AQP1: variants seen among roughly 807,000 people sequenced by gnomAD.
The protein encoded by AQP1 is aquaporin-1.
AQP1 carries 11 observed loss-of-function variants against 19.7 expected under a neutral mutation model. The ratio of observed to expected loss-of-function variants is 0.56; its 90% CI spans 0.35 to 0.92. The LOEUF is 0.92. Ranked by LOEUF, AQP1 falls within the 40% of genes least tolerant of loss-of-function variation. The probability of loss-of-function intolerance (pLI) is 0.01; values close to 1 mark genes in which losing one functional copy is unlikely to be tolerated. For synonymous variants in AQP1, 159 were observed against 166.7 expected, an observed-to-expected ratio of 0.95 and a Z score of 0.36; for missense variants, 320 against 369.7, an observed-to-expected ratio of 0.87 and a Z score of 1.10.
At chr7:30,914,292 C>G (rs1027302848) in intron 1 of AQP1, among the ~76,000 whole-genome samples, 2 of 152,210 alleles carry the variant, frequency 1.3e-5, no homozygotes, top group Admixed American at 1.3e-4. Flanking sequence ...GTGTCCACTG[C>G]TAACTTGTTG....
chr7:30,912,105 A>T lies in AQP1; in HGVS notation c.196A>T (p.Ser66Cys). ...GCTGAGCATCGCCACGCTGGCGCAG[A>T]GTGTGGGCCACATCAGCGGCGCCCA... ...FGLSIATLAQ[S>C]VGHISGAHLN... Residue 66 changes from serine (S) to cysteine (C), a missense_variant, in exon 1 of 4, where the codon AGT (serine) becomes TGT (cysteine). Transcript: ENST00000311813. This position sits in a 1 kb window ranked among gnomAD's most constrained non-coding sequence, Gnocchi z 4.3. 1 of 1,613,258 alleles carries T rather than the reference A, an allele frequency of 6.2e-7. No individual in the cohort carries two copies.
In AQP1 at chr7:30,921,858, A is replaced by G. The variant is rs1791510914; in HGVS notation, c.385-208A>G. 5 of 1,540,766 alleles carry G rather than the reference A, an allele frequency of 3.2e-6. 1 individual carries two copies. The South Asian group carries it at 6.0e-5, about 18-fold the overall frequency. On this transcript the variant is annotated intron_variant, in intron 1 of 3. Coordinates refer to ENST00000311813, the MANE Select transcript of AQP1 (RefSeq NM_198098.4). The stretch of plus-strand genomic sequence containing the variant: ...AGGCAGGTATTAGGGGCTGGGCTGG[A>G]GTTTCATTAACACAGGGGGTGGGTT...
Position 30,923,398 on chromosome 7 carries a change from T to A in AQP1, c.631-52T>A. ...GGCTGTGGGGTAACCTAGGGAACGC[T>A]TCCCAGGGGCTTTTGAGTGGAGCCC... On this transcript the variant is annotated intron_variant, in intron 3 of 3. Transcript: ENST00000311813. The surrounding 1 kb of genome is among the most constrained non-coding windows in gnomAD (Gnocchi z 4.8). 6.2e-7 allele frequency: 1 copy of A among 1,612,398 alleles called. No homozygotes were observed. Among genetic ancestry groups the A allele is most frequent in the South Asian group, 1.1e-5 (1 of 90,808 alleles).
At chr7:30,914,334 G>A (rs910531815) in intron 1 of AQP1, among the ~76,000 whole-genome samples, 1 of 152,304 alleles carries the variant, frequency 6.6e-6, no homozygotes, top group South Asian at 2.1e-4. Context: ...CCTGACCCTC[G>A]AGAGGGAACT....
rs1002771603 is a variant in AQP1, at chr7:30,925,330, G to C, written c.*1701G>C. On this transcript the variant is annotated 3_prime_UTR_variant, in exon 4 of 4. Transcript: ENST00000311813. ...ATTTCCAGCTTCTCAGTTTCTGCCT[G>C]GGCAATGGCCAGGGGCCAGGAGTGG... 6.6e-6 allele frequency: 1 copy of C among 152,254 alleles called. No homozygotes were observed. The highest frequency in any genetic ancestry group is 6.5e-5 in the Admixed American group (1 of 15,284). 9.4% of individuals were successfully genotyped at this position (152,254 alleles called of 1,614,324 possible). A position where few individuals can be genotyped will look rare whatever the true frequency, so the allele number is the denominator to read the frequency against.
rs1275504333 is a variant in AQP1 at position 30,924,239 on chromosome 7, G to A, written c.*610G>A. On this transcript the variant is annotated 3_prime_UTR_variant, in exon 4 of 4. Transcript: ENST00000311813. The stretch of plus-strand genomic sequence containing the variant: ...CTCCTTCTGCAAAGTGGCAGGGACC[G>A]GCAGAGCTCTACAGGCCTGCAGCCC... 11 of 620,718 alleles carry A rather than the reference G, an allele frequency of 1.8e-5. No homozygotes were observed. The highest frequency in any genetic ancestry group is 6.8e-5 in the East Asian group (1 of 14,714). The allele number at this position is 620,718 out of a possible 1,614,324, so 38.5% of individuals were successfully genotyped here. A position where few individuals can be genotyped will look rare whatever the true frequency, so the allele number is the denominator to read the frequency against.
intron 1 of AQP1, among the ~76,000 whole-genome samples, chr7:30,919,559 T>A (rs1453018497): frequency 1.8e-5 from 1 of 57,006 alleles, no homozygotes; most frequent in Non-Finnish European, 2.8e-5. Context: ...ATTCTTACTT[T>A]TTTTTTTTTT....
At chr7:30,913,713 C>T (rs1305034028) in intron 1 of AQP1, among the ~76,000 whole-genome samples, 1 of 152,196 alleles carries the variant, frequency 6.6e-6, no homozygotes, top group Non-Finnish European at 1.5e-5. Flanking sequence ...ACCCAACCTC[C>T]TCTGCAGCCA....
chr7:30,922,110 C>A lies in AQP1; in HGVS notation c.429C>A (p.Ile143=), dbSNP rs1198494582. ...VNSGQGLGIE[I]IGTLQLVLCV... is the part of the protein sequence containing the mutation. Reference sequence around the variant, plus strand: ...CGGGCCAGGGCCTGGGCATCGAGATCATCGGGACCCTCCAGCTGGTGCTAT... The same window carrying A: ...CGGGCCAGGGCCTGGGCATCGAGATAATCGGGACCCTCCAGCTGGTGCTAT... Residue 143 remains isoleucine (I), a synonymous_variant, in exon 2 of 4, where the codon ATC becomes ATA. Transcript: ENST00000311813. 1.2e-6 allele frequency: 2 copies of A among 1,614,128 alleles called. No homozygotes were observed. Among genetic ancestry groups the A allele is most frequent in the East Asian group, 4.5e-5 (2 of 44,878 alleles).
rs779654022 is a variant in AQP1 at position 30,923,425 on chromosome 7, C to G, written c.631-25C>G. ...CCCAGGGGCTTTTGAGTGGAGCCCT[C>G]TGAACACACCTGCTCTGTTCCTAGA... On this transcript the variant is annotated intron_variant, in intron 3 of 3. Transcript: ENST00000311813. This position sits in a 1 kb window ranked among gnomAD's most constrained non-coding sequence, Gnocchi z 4.8. 6.2e-7 allele frequency: 1 copy of G among 1,613,576 alleles called. No individual in the cohort carries two copies. Among genetic ancestry groups the G allele is most frequent in the Non-Finnish European group, 8.5e-7 (1 of 1,179,936 alleles).
At chr7:30,920,264 G>A (rs1313067761) in intron 1 of AQP1, among the ~76,000 whole-genome samples, 5 of 152,174 alleles carry the variant, frequency 3.3e-5, no homozygotes, top group Non-Finnish European at 5.9e-5. Context: ...CAACCCTGGA[G>A]AGCAGAAGAG....
chr7:30,922,582 G>A lies in AQP1; in HGVS notation c.568G>A (p.Gly190Arg). Residue 190 changes from glycine (G) to arginine (R), a missense_variant, in exon 3 of 4, where the codon GGG (glycine) becomes AGG (arginine). Coordinates refer to ENST00000311813, the MANE Select transcript of AQP1 (RefSeq NM_198098.4). ...HLLAIDYTGC[G>R]INPARSFGSA... ...CTCACAGATTGACTACACTGGCTGT[G>A]GGATTAACCCTGCTCGGTCCTTTGG... is the stretch of plus-strand genomic sequence containing the variant. 6.2e-7 allele frequency: 1 copy of A among 1,614,166 alleles called. No individual in the cohort carries two copies. Among genetic ancestry groups the A allele is most frequent in the Non-Finnish European group, 8.5e-7 (1 of 1,180,002 alleles).
rs1791189654 is a variant in AQP1, at chr7:30,912,360, C to T, written c.384+67C>T. Reference sequence around the variant, plus strand: ...TGCTGAAAGGCACTGGTTCCATCCTCTGCCCATTGTGCAGATGGGGACACT... The same window carrying T: ...TGCTGAAAGGCACTGGTTCCATCCTTTGCCCATTGTGCAGATGGGGACACT... On this transcript the variant is annotated intron_variant, in intron 1 of 3. Coordinates refer to ENST00000311813, the MANE Select transcript of AQP1 (RefSeq NM_198098.4). This position sits in a 1 kb window ranked among gnomAD's most constrained non-coding sequence, Gnocchi z 4.3. 1.8e-5 allele frequency: 29 copies of T among 1,568,312 alleles called. No homozygotes were observed. In the East Asian group the frequency reaches 6.5e-4, roughly 35 times the overall value.
At chr7:30,918,514 C>T (rs1304998199) in intron 1 of AQP1, among the ~76,000 whole-genome samples, 6 of 152,174 alleles carry the variant, frequency 3.9e-5, no homozygotes, top group African/African-American at 1.2e-4. Context: ...CATAGGTCCC[C>T]TCACTGCCCA....
At position 30,911,947 on chromosome 7, in the gene AQP1, C is replaced by T. The variant is rs1791175000; in HGVS notation, c.38C>T (p.Ala13Val). 4 of 1,613,350 alleles carry T rather than the reference C, an allele frequency of 2.5e-6. No individual in the cohort carries two copies. Among genetic ancestry groups the T allele is most frequent in the Non-Finnish European group, 3.4e-6 (4 of 1,180,056 alleles). ...TTCAAGAAGAAGCTCTTCTGGAGGG[C>T]AGTGGTGGCCGAGTTCCTGGCCACG... ...SEFKKKLFWR[A>V]VVAEFLATTL... The change falls in exon 1 of 4, where the codon GCA becomes GTA. Residue 13 changes from alanine to valine, a missense_variant. Physicochemically the swap from Ala to Val is moderately conservative, Grantham distance 64. Coordinates refer to ENST00000311813, the MANE Select transcript of AQP1 (RefSeq NM_198098.4).
Position 30,911,858 on chromosome 7 carries a change from T to C in AQP1, c.-52T>C. ...CCCAGCCCAGGCTGTGGCTCAGCTCTCAGAGGGAATTGAGCACCCGGCAGC... is the reference window on the plus strand; with the variant it reads ...CCCAGCCCAGGCTGTGGCTCAGCTCCCAGAGGGAATTGAGCACCCGGCAGC... On this transcript the variant is annotated 5_prime_UTR_variant, in exon 1 of 4. Transcript: ENST00000311813. 1.2e-6 allele frequency: 2 copies of C among 1,610,326 alleles called. No individual in the cohort carries two copies. Among genetic ancestry groups the C allele is most frequent in the South Asian group, 2.2e-5 (2 of 90,770 alleles).
In AQP1 at chr7:30,922,085, C is replaced by G; in HGVS notation, c.404C>G (p.Ser135Trp). Residue 135 changes from serine to tryptophan, a missense_variant, in exon 2 of 4, where the codon TCG (serine) becomes TGG (tryptophan). Transcript: ENST00000311813. ...CTGCAGCTGGCTGATGGTGTGAACT[C>G]GGGCCAGGGCCTGGGCATCGAGATC... ...GRNDLADGVN[S>W]GQGLGIEIIG... 1 of 1,614,034 alleles carries G rather than the reference C, an allele frequency of 6.2e-7. No individual in the cohort carries two copies. The highest frequency in any genetic ancestry group is 8.5e-7 in the Non-Finnish European group (1 of 1,180,024).
In AQP1 at chr7:30,923,024, G is replaced by A. The variant is rs781300152; in HGVS notation, c.630+380G>A. 6.6e-6 allele frequency among the ~76,000 whole-genome samples: 1 copy of A among 152,254 alleles called. No individual in the cohort carries two copies. Among genetic ancestry groups the A allele is most frequent in the African/African-American group, 2.4e-5 (1 of 41,456 alleles). On this transcript the variant is annotated intron_variant, in intron 3 of 3. Coordinates refer to ENST00000311813, the MANE Select transcript of AQP1 (RefSeq NM_198098.4). The surrounding 1 kb of genome is among the most constrained non-coding windows in gnomAD (Gnocchi z 4.8). ...GTGGTGCCCACCTCTCAGGGTGGCC[G>A]AGAAGAGGAAAGGGCTCACTCCCCA...
At position 30,911,918 on chromosome 7, in the gene AQP1, C is replaced by A. The variant is rs574768358; in HGVS notation, c.9C>A (p.Ser3Arg). 1 of 1,613,178 alleles carries A rather than the reference C, an allele frequency of 6.2e-7. No homozygotes were observed. Among genetic ancestry groups the A allele is most frequent in the African/African-American group, 1.3e-5 (1 of 75,044 alleles). The change falls in exon 1 of 4, where the codon AGC becomes AGA. Residue 3 changes from serine to arginine, a missense_variant. Physicochemically the swap from Ser to Arg is moderately radical, Grantham distance 110. Transcript: ENST00000311813. ...CCAAGCCCCCTGCCAGCATGGCCAGCGAGTTCAAGAAGAAGCTCTTCTGGA... is the reference window on the plus strand; with the variant it reads ...CCAAGCCCCCTGCCAGCATGGCCAGAGAGTTCAAGAAGAAGCTCTTCTGGA... Reference protein sequence around the residue: MASEFKKKLFWRA... With the variant: MAREFKKKLFWRA...
Sources: allele counts gnomAD v4.1 joint callset (sites outside exome capture counted in the v4.1 genomes callset), GRCh38; gene constraint gnomAD v4.1.1; non-coding constraint Gnocchi (gnomAD v3.1); transcripts MANE v1.5; gene names NCBI Gene and HGNC (gene_info 2026-07-23, HGNC 2026-07-21).